SUCO: variants seen among roughly 807,000 people sequenced by gnomAD.
The protein encoded by SUCO is SUN domain containing ossification factor.
Under a neutral mutation model 148.1 loss-of-function variants are expected in SUCO, and 57 were observed. That is an observed-to-expected ratio of 0.38 (90% CI 0.31 to 0.48). The LOEUF is 0.48. Ranked by LOEUF, SUCO falls within the 20% of genes least tolerant of loss-of-function variation. The pLI is 0.96. For missense variants in SUCO, 1,331 were observed against 1,468.2 expected, an observed-to-expected ratio of 0.91 and a Z score of 1.53; for synonymous variants, 470 against 502.7, an observed-to-expected ratio of 0.93 and a Z score of 0.87.
chr1:172,533,320 T>A lies in SUCO; in HGVS notation c.-116T>A. The A allele has an allele frequency of 6.4e-7, 1 of 1,551,220 alleles. No individual in the cohort carries two copies. Among genetic ancestry groups the A allele is most frequent in the Non-Finnish European group, 8.7e-7 (1 of 1,146,942 alleles). Reference sequence around the variant, plus strand: ...AGCCGCTCAGCCAGCGCCATAGCCCTTAGGACTATCGGTCACATTCTCGCG... The same window carrying A: ...AGCCGCTCAGCCAGCGCCATAGCCCATAGGACTATCGGTCACATTCTCGCG... On this transcript the variant is annotated 5_prime_UTR_variant, in exon 1 of 24. Transcript: ENST00000263688.
intron 6 of SUCO, among the ~76,000 whole-genome samples, chr1:172,562,857 G>A (rs1344588143): frequency 6.6e-6 from 1 of 152,180 alleles, no homozygotes; most frequent in African/African-American, 2.4e-5. Context: ...CGTTAGAGGA[G>A]CGGCCAGATG....
At chr1:172,609,124 T>A (rs1312563189) in intron 23 of SUCO, 4 of 541,226 alleles carry the variant, frequency 7.4e-6, no homozygotes, top group Non-Finnish European at 9.4e-6. Context: ...GATCCTTGGA[T>A]GATTGTCATT....
chr1:172,558,795 CT>C (rs1653932098), intron 6 of SUCO, among the ~76,000 whole-genome samples: 1 of 152,190 alleles, frequency 6.6e-6, no homozygotes, highest in Admixed American at 6.5e-5. Flanking sequence ...TAAAACACAT[CT>C]TTGAAGGTAT....
chr1:172,587,945 A>T, intron 17 of SUCO: 1 of 251,254 alleles, frequency 4.0e-6, no homozygotes, highest in Non-Finnish European at 6.3e-6. Context: ...TCATCCCCCC[A>T]CTCTCCTGTA....
At position 172,589,327 on chromosome 1, in the gene SUCO, T is replaced by A; in HGVS notation, c.2226T>A (p.Asn742Lys). 2 of 1,613,364 alleles carry A rather than the reference T, an allele frequency of 1.2e-6. No individual in the cohort carries two copies. Among genetic ancestry groups the A allele is most frequent in the South Asian group, 2.2e-5 (2 of 91,022 alleles). ...TTTTAGATATTACCCCAGAAATCAA[T>A]CCCTTGCCTAAAATAGAAGTATCTG... ...SLLLDITPEI[N>K]PLPKIEVSES... The change falls in exon 18 of 24, where the codon AAT becomes AAA. Residue 742 changes from asparagine to lysine, a missense_variant. Physicochemically the swap from Asn to Lys is moderately conservative, Grantham distance 94. Coordinates refer to ENST00000263688, the MANE Select transcript of SUCO (RefSeq NM_014283.5).
upstream of SUCO, chr1:172,533,036 C>T: frequency 2.1e-6 from 3 of 1,433,590 alleles, no homozygotes; most frequent in Non-Finnish European, 1.8e-6. Context: ...CTTTCCAGCT[C>T]AGCGGTGTGT....
intron 22 of SUCO, among the ~76,000 whole-genome samples, chr1:172,603,753 T>A (rs1016885468): frequency 1.3e-5 from 2 of 152,056 alleles, no homozygotes; most frequent in Non-Finnish European, 2.9e-5. Flanking sequence ...TTCCTTGTGC[T>A]CTTTTAGTCA....
At position 172,609,756 on chromosome 1, in the gene SUCO, T is replaced by C. The variant is rs1658089110; in HGVS notation, c.3322-60T>C. 2.0e-6 allele frequency: 3 copies of C among 1,537,714 alleles called. No individual in the cohort carries two copies. The South Asian group carries it at 4.0e-5, about 20-fold the overall frequency. ...TTCTCTATTAGCTCAGCTCTCTAGG[T>C]GTTTGATAAGGTTACTATGGGAAGT... On this transcript the variant is annotated intron_variant, in intron 23 of 23. Coordinates refer to ENST00000263688, the MANE Select transcript of SUCO (RefSeq NM_014283.5).
intron 13 of SUCO, 22 bp from the exon 14 acceptor site, chr1:172,578,274 CTT>C (rs1399049584): frequency 6.5e-7 from 1 of 1,528,468 alleles, no homozygotes; most frequent in African/African-American, 1.4e-5. Flanking sequence ...TTTTGGAAGT[CTT>C]TAATGAAATT....
intron 20 of SUCO, among the ~76,000 whole-genome samples, chr1:172,600,664 C>A (rs1250315409): frequency 1.3e-5 from 2 of 151,318 alleles, no homozygotes; most frequent in African/African-American, 4.9e-5. Context: ...ATGATAATTT[C>A]TCCTAGTGAT....
intron 15 of SUCO, among the ~76,000 whole-genome samples, chr1:172,583,210 G>A (rs1415854012): frequency 6.6e-6 from 1 of 151,550 alleles, no homozygotes; most frequent in Non-Finnish European, 1.5e-5. Flanking sequence ...GGAATACGGA[G>A]TTTCCATTTT....
intron 19 of SUCO, among the ~76,000 whole-genome samples, chr1:172,599,638 G>T (rs1657369312): frequency 6.6e-6 from 1 of 152,014 alleles, no homozygotes. Flanking sequence ...CTTGGTTTTG[G>T]GCCTACTTTA....
intron 3 of SUCO, among the ~76,000 whole-genome samples, chr1:172,554,736 T>TC (rs1396914331): frequency 1.5e-5 from 2 of 130,634 alleles, no homozygotes; most frequent in African/African-American, 6.2e-5. Flanking sequence ...AGACTCTGTC[T>TC]CAAAAAAAAA....
intron 5 of SUCO, 26 bp downstream of exon 5, chr1:172,557,443 T>C (rs1205298211): frequency 6.2e-7 from 1 of 1,613,130 alleles, no homozygotes; most frequent in Admixed American, 1.7e-5. Flanking sequence ...TGTTTGTCCT[T>C]CTTATGATTC....
Position 172,589,164 on chromosome 1 carries a change from C to T in SUCO, c.2063C>T (p.Thr688Met), listed in dbSNP as rs768916174. The T allele has an allele frequency of 1.1e-5, 18 of 1,613,646 alleles. No individual in the cohort carries two copies. The highest frequency in any genetic ancestry group is 1.0e-4 in the Admixed American group (6 of 59,968). The change falls in exon 18 of 24, where the codon ACG (threonine) becomes ATG (methionine). Residue 688 changes from threonine to methionine, a missense_variant. Coordinates refer to ENST00000263688, the MANE Select transcript of SUCO (RefSeq NM_014283.5). ...LQPLSGELENTNIEREAETVV... is the reference protein window; with the variant it reads ...LQPLSGELENMNIEREAETVV... Reference sequence around the variant, plus strand: ...CCTCTGAGTGGAGAATTGGAAAATACGAATATAGAAAGGGAAGCTGAAACT... The same window carrying T: ...CCTCTGAGTGGAGAATTGGAAAATATGAATATAGAAAGGGAAGCTGAAACT...
chr1:172,586,315 ATC>A (rs1656241632), intron 17 of SUCO, among the ~76,000 whole-genome samples: 1 of 151,998 alleles, frequency 6.6e-6, no homozygotes, highest in Non-Finnish European at 1.5e-5. Flanking sequence ...AAAAGCATTG[ATC>A]TGTGGTATCC....
At chr1:172,541,921 T>G in intron 1 of SUCO, 1 of 828,846 alleles carries the variant, frequency 1.2e-6, no homozygotes, top group Non-Finnish European at 1.5e-6. Flanking sequence ...GTTTGCTTGT[T>G]TGTTTTAACT....
At chr1:172,603,574 CTCT>C (rs1657669230) in intron 22 of SUCO, among the ~76,000 whole-genome samples, 1 of 151,972 alleles carries the variant, frequency 6.6e-6, no homozygotes, top group East Asian at 1.9e-4. Context: ...GCTAGTAAAT[CTCT>C]TCTTCCTCCT....
Position 172,569,147 on chromosome 1 carries a change from G to C in SUCO, c.856+5G>C. 1.3e-6 allele frequency: 2 copies of C among 1,534,954 alleles called. No homozygotes were observed. Among genetic ancestry groups the C allele is most frequent in the Non-Finnish European group, 1.8e-6 (2 of 1,138,650 alleles). ...TGGAAGTAGAAAAAGAAAAAAGTAAGGAAGTATTTGAGTTCTTTAAATTTT... is the reference window on the plus strand; with the variant it reads ...TGGAAGTAGAAAAAGAAAAAAGTAACGAAGTATTTGAGTTCTTTAAATTTT... On this transcript the variant is annotated splice_donor_5th_base_variant and intron_variant, in intron 7 of 23. Transcript: ENST00000263688.
Sources: gnomAD v4.1 joint callset for allele counts (sites outside exome capture counted in the v4.1 genomes callset) on GRCh38, gnomAD v4.1.1 for gene constraint, MANE v1.5 for transcripts, NCBI Gene and HGNC (gene_info 2026-07-23, HGNC 2026-07-21) for gene names.